KMO: variants seen among roughly 807,000 people sequenced by gnomAD.
The protein encoded by KMO is kynurenine 3-monooxygenase, also known as kynurenine 3-hydroxylase.
In KMO, 24 loss-of-function variants were observed where a neutral mutation model predicts 57.8. The observed-to-expected ratio is 0.42, with a 90% CI of 0.30 to 0.58. The LOEUF (loss-of-function observed/expected upper bound fraction) is 0.58. Among genes scored for constraint, KMO ranks in the 20% least tolerant of loss-of-function variants. The pLI is 0.22. For missense variants in KMO, 483 were observed against 588.2 expected (o/e 0.82, Z 1.85); for synonymous variants, 210 against 193.6 (o/e 1.08, Z -0.70).
At chr1:241,549,503 A>G (rs368489234) in intron 2 of KMO, among the ~76,000 whole-genome samples, 174 bp from the exon 3 acceptor site, 1 of 152,298 alleles carries the variant, frequency 6.6e-6, no homozygotes, top group African/African-American at 2.4e-5. Flanking sequence ...AAAAACACCA[A>G]CTATCTAAAT....
chr1:241,562,422 G>A, intron 7 of KMO, 90 bp downstream of exon 7: 4 of 1,312,548 alleles, frequency 3.0e-6, no homozygotes, highest in Non-Finnish European at 4.3e-6. Context: ...TCAGCAGCAT[G>A]TCTTGATCCA....
At chr1:241,545,271 C>G (rs139272473) in intron 1 of KMO, among the ~76,000 whole-genome samples, 9 of 152,310 alleles carry the variant, frequency 5.9e-5, no homozygotes, top group African/African-American at 1.7e-4. Context: ...TAGAATCACT[C>G]TAAAGATGTA....
rs369081687 is a variant in KMO, at chr1:241,549,256, A to AGTAAGTAAGTCG, written c.124+359_124+360insTAAGTAAGTCGG. Among the ~76,000 whole-genome samples the AGTAAGTAAGTCG allele has an allele frequency of 1.5e-4, 17 of 114,906 alleles. 2 individuals are homozygous for AGTAAGTAAGTCG. Among genetic ancestry groups the AGTAAGTAAGTCG allele is most frequent in the East Asian group, 1.1e-3 (4 of 3,716 alleles). 75.4% of individuals were successfully genotyped at this position (114,906 alleles called of 152,430 possible). A position where few individuals can be genotyped will look rare whatever the true frequency, so the allele number is the denominator to read the frequency against. ...AAGAAAGAAAGAAAGAAAGAAAGAA[A>AGTAAGTAAGTCG]GAAAGAAAGAAAGGAAGGAAGAAAG... On this transcript the variant is annotated intron_variant, in intron 2 of 14. Coordinates refer to ENST00000366559, the MANE Select transcript of KMO (RefSeq NM_003679.5).
At position 241,595,351 on chromosome 1, in the gene KMO, A is replaced by C. The variant is rs1663474474; in HGVS notation, c.*3198A>C. On this transcript the variant is annotated 3_prime_UTR_variant, in exon 15 of 15. Coordinates refer to ENST00000366559, the MANE Select transcript of KMO (RefSeq NM_003679.5). ...GGGAGGCCAACGCCTAAAGATCATA[A>C]TATCACACAATGGAAGGAACCTAGA... is the stretch of plus-strand genomic sequence containing the variant. 1 of 152,290 alleles carries C rather than the reference A, an allele frequency of 6.6e-6. No individual in the cohort carries two copies. The highest frequency in any genetic ancestry group is 6.5e-5 in the Admixed American group (1 of 15,282). 9.4% of individuals were successfully genotyped at this position (152,290 alleles called of 1,614,324 possible). A position where few individuals can be genotyped will look rare whatever the true frequency, so the allele number is the denominator to read the frequency against.
At position 241,592,065 on chromosome 1, in the gene KMO, AC is replaced by A. The variant is rs1364466592; in HGVS notation, c.1374del (p.Trp459GlyfsTer2). 1 of 1,613,936 alleles carries A rather than the reference AC, an allele frequency of 6.2e-7. No homozygotes were observed. The highest frequency in any genetic ancestry group is 8.5e-7 in the Non-Finnish European group (1 of 1,179,974). ...RSFLRLRRPW[N>X]WIAHFRNTTC... ...TTCCTCCGCTTGAGAAGACCATGGAACTGGATAGCTCACTTCCGGAATACAA... is the reference window on the plus strand; with the variant it reads ...TTCCTCCGCTTGAGAAGACCATGGAATGGATAGCTCACTTCCGGAATACAA... On this transcript the variant is annotated frameshift_variant, in exon 15 of 15. Coordinates refer to ENST00000366559, the MANE Select transcript of KMO (RefSeq NM_003679.5). LOFTEE classifies it low-confidence loss of function (END_TRUNC).
intron 5 of KMO, among the ~76,000 whole-genome samples, chr1:241,558,829 T>C (rs1453648386): frequency 6.6e-6 from 1 of 150,880 alleles, no homozygotes; most frequent in African/African-American, 2.4e-5. Flanking sequence ...TATTTTAACC[T>C]AGGCCAGGCG....
At chr1:241,550,016 G>A (rs1466383931) in intron 3 of KMO, 2 of 398,816 alleles carry the variant, frequency 5.0e-6, no homozygotes, top group African/African-American at 2.1e-5. Flanking sequence ...CAACAGGATG[G>A]TGCGTCACTG....
intron 10 of KMO, among the ~76,000 whole-genome samples, chr1:241,579,593 T>C (rs924444853): frequency 2.6e-5 from 4 of 152,076 alleles, no homozygotes; most frequent in African/African-American, 9.7e-5. Flanking sequence ...ACACCCACAG[T>C]GTTCTGCTAG....
intron 14 of KMO, among the ~76,000 whole-genome samples, chr1:241,590,494 T>C (rs1663218635): frequency 6.6e-6 from 1 of 152,232 alleles, no homozygotes; most frequent in Non-Finnish European, 1.5e-5. Flanking sequence ...TAGAAACTGA[T>C]GCTAATATTT....
At chr1:241,558,835 A>G (rs1661733155) in intron 5 of KMO, among the ~76,000 whole-genome samples, 1 of 151,614 alleles carries the variant, frequency 6.6e-6, no homozygotes, top group Non-Finnish European at 1.5e-5. Context: ...AACCTAGGCC[A>G]GGCGCAGTGG....
In KMO at chr1:241,538,470, G is replaced by C. The variant is rs570672956; in HGVS notation, c.54+5972G>C. 7.4e-4 allele frequency among the ~76,000 whole-genome samples: 112 copies of C among 152,296 alleles called. 1 individual carries two copies. Among genetic ancestry groups the C allele is most frequent in the Non-Finnish European group, 1.5e-3 (102 of 68,020 alleles). The stretch of plus-strand genomic sequence containing the variant: ...CAACTATTACCATAGTGACATACAT[G>C]CCAGAGACGTTGTCTATAAGGAAGC... On this transcript the variant is annotated intron_variant, in intron 1 of 14. Transcript: ENST00000366559.
In KMO at chr1:241,562,284, C is replaced by T. The variant is rs775282779; in HGVS notation, c.567C>T (p.Tyr189=). Residue 189 remains tyrosine (Y), a synonymous_variant, in exon 7 of 15, where the codon TAC becomes TAT. Transcript: ENST00000366559. The part of the protein sequence containing the change: ...KKPRFDYSQQ[Y]IPHGYMELTI... ...CTCGCTTTGATTACAGTCAGCAGTACATTCCTCATGGGTACATGGAGTTGA... is the reference window on the plus strand; with the variant it reads ...CTCGCTTTGATTACAGTCAGCAGTATATTCCTCATGGGTACATGGAGTTGA... 3.7e-6 allele frequency: 6 copies of T among 1,614,032 alleles called. No homozygotes were observed. Among genetic ancestry groups the T allele is most frequent in the Non-Finnish European group, 4.2e-6 (5 of 1,179,972 alleles).
intron 10 of KMO, 63 bp from the exon 11 acceptor site, chr1:241,586,616 A>G (rs1558431556): frequency 1.8e-6 from 2 of 1,091,856 alleles, no homozygotes; most frequent in South Asian, 2.7e-5. Context: ...TTCAAAATCA[A>G]TAATAAGGGT....
intron 10 of KMO, among the ~76,000 whole-genome samples, chr1:241,572,473 T>G (rs1662339099): frequency 6.6e-6 from 1 of 152,068 alleles, no homozygotes; most frequent in Non-Finnish European, 1.5e-5. Context: ...CCCTTTTCTG[T>G]GTCTAGCTAA....
In KMO at chr1:241,557,118, A is replaced by G. The variant is rs535172257; in HGVS notation, c.361+1458A>G. On this transcript the variant is annotated intron_variant, in intron 5 of 14. Transcript: ENST00000366559. ...GATAGGGGATATAGAAAGTTGAGAA[A>G]GAGAAAGGTGTAAATAGAACCCTGA... Among the ~76,000 whole-genome samples, 7 of 152,256 alleles carry G rather than the reference A, an allele frequency of 4.6e-5. No individual in the cohort carries two copies. In the South Asian group the frequency reaches 1.4e-3, roughly 32 times the overall value.
Position 241,554,548 on chromosome 1 carries a change from A to G in KMO, c.313-1064A>G, listed in dbSNP as rs960555984. 1.9e-4 allele frequency among the ~76,000 whole-genome samples: 28 copies of G among 151,152 alleles called. 1 individual carries two copies. In the East Asian group the frequency reaches 5.6e-3, roughly 30 times the overall value. On this transcript the variant is annotated intron_variant, in intron 4 of 14. Coordinates refer to ENST00000366559, the MANE Select transcript of KMO (RefSeq NM_003679.5). ...CTCAGCCTCACAAAGTGCTGGGATT[A>G]CAGGGATAAGCCACCATGCCTGGCC...
chr1:241,577,249 T>G (rs1177748093), intron 10 of KMO, among the ~76,000 whole-genome samples: 1 of 152,166 alleles, frequency 6.6e-6, no homozygotes, highest in African/African-American at 2.4e-5. Flanking sequence ...GATTTCATCT[T>G]GGTATGGATC....
chr1:241,555,705 A>G, intron 5 of KMO, 45 bp downstream of exon 5: 1 of 1,107,782 alleles, frequency 9.0e-7, no homozygotes, highest in South Asian at 1.3e-5. Flanking sequence ...TGAGTAAAGC[A>G]CATGACACTA....
At chr1:241,574,456 T>G (rs1380504396) in intron 10 of KMO, among the ~76,000 whole-genome samples, 1 of 152,124 alleles carries the variant, frequency 6.6e-6, no homozygotes, top group East Asian at 1.9e-4. Context: ...ATGCCTAGTT[T>G]GTTGAAGGTT....
Sources: gnomAD v4.1 joint callset for allele counts (sites outside exome capture counted in the v4.1 genomes callset) on GRCh38, gnomAD v4.1.1 for gene constraint, MANE v1.5 for transcripts, NCBI Gene and HGNC (gene_info 2026-07-23, HGNC 2026-07-21) for gene names.